Variants in TRPC4 observed in about 807,000 individuals in gnomAD.
TRPC4 encodes the protein transient receptor potential cation channel subfamily C member 4, also known as short transient receptor potential channel 4.
Under a neutral mutation model 99.4 loss-of-function variants are expected in TRPC4, and 49 were observed. That is an observed-to-expected ratio of 0.49 (90% CI 0.39 to 0.63). The LOEUF (loss-of-function observed/expected upper bound fraction) is 0.63, where lower values mean the gene tolerates loss of function less well. Among genes scored for constraint, TRPC4 ranks in the 20% least tolerant of loss-of-function variants. TRPC4 has a pLI of 0.00. For missense variants in TRPC4, 898 were observed against 1,152.9 expected, an observed-to-expected ratio of 0.78 and a Z score of 3.20; for synonymous variants, 454 against 425.9, an observed-to-expected ratio of 1.07 and a Z score of -0.81.
At chr13:37,806,319 A>G (rs2139452573) in intron 1 of TRPC4, among the ~76,000 whole-genome samples, 1 of 152,208 alleles carries the variant, frequency 6.6e-6, no homozygotes, top group South Asian at 2.1e-4. Context: ...TGTCAATAGA[A>G]TTATTTTACA....
At chr13:37,688,729 G>A (rs1322603112) in intron 4 of TRPC4, among the ~76,000 whole-genome samples, 2 of 152,132 alleles carry the variant, frequency 1.3e-5, no homozygotes, top group East Asian at 3.9e-4. Flanking sequence ...GCAGCTCACA[G>A]AGGTGATCTG....
intron 1 of TRPC4, among the ~76,000 whole-genome samples, chr13:37,837,810 G>C (rs1257849916): frequency 6.6e-6 from 1 of 152,128 alleles, no homozygotes; most frequent in Non-Finnish European, 1.5e-5. Context: ...GACGAGCCAG[G>C]GGTGGCATGA....
intron 4 of TRPC4, among the ~76,000 whole-genome samples, chr13:37,686,451 A>T (rs1437216473): frequency 6.6e-6 from 1 of 151,838 alleles, no homozygotes; most frequent in Non-Finnish European, 1.5e-5. Flanking sequence ...ATACACACAC[A>T]TATATATACA....
rs118043934 is a variant in TRPC4, at chr13:37,694,709, C to T, written c.898-2374G>A. On this transcript the variant is annotated intron_variant, in intron 3 of 10. Coordinates refer to ENST00000379705, the MANE Select transcript of TRPC4 (RefSeq NM_016179.4). The stretch of plus-strand genomic sequence containing the variant: ...CTGTGCTTAGTAAATGAACAGTATA[C>T]GTAATTTTACGTTAAACACAGACAC... 7.1e-3 allele frequency among the ~76,000 whole-genome samples: 1,082 copies of T among 152,002 alleles called. 9 individuals are homozygous for T. Among genetic ancestry groups the T allele is most frequent in the Non-Finnish European group, 0.013 (856 of 67,984 alleles).
intron 3 of TRPC4, among the ~76,000 whole-genome samples, chr13:37,708,376 G>C (rs1954362845): frequency 6.6e-6 from 1 of 151,978 alleles, no homozygotes; most frequent in Admixed American, 6.6e-5. Flanking sequence ...ACTTTACAAT[G>C]CAATTTTTGG....
At chr13:37,712,832 A>T (rs1954529254) in intron 3 of TRPC4, among the ~76,000 whole-genome samples, 1 of 152,140 alleles carries the variant, frequency 6.6e-6, no homozygotes, top group African/African-American at 2.4e-5. Flanking sequence ...TGTGCCTGAG[A>T]TCTTAACACT....
At chr13:37,863,072 C>G (rs186491159) in intron 1 of TRPC4, among the ~76,000 whole-genome samples, 45 of 151,590 alleles carry the variant, frequency 3.0e-4, no homozygotes, top group African/African-American at 1.1e-3. Context: ...ATAGGCTATT[C>G]CATATAGCCT....
At chr13:37,726,192 T>TC (rs796476650) in intron 3 of TRPC4, among the ~76,000 whole-genome samples, 1 of 150,184 alleles carries the variant, frequency 6.7e-6, no homozygotes. Context: ...TGAGACACCG[T>TC]CCCCCCCCAA....
At chr13:37,858,577 T>C (rs1959193457) in intron 1 of TRPC4, among the ~76,000 whole-genome samples, 1 of 151,624 alleles carries the variant, frequency 6.6e-6, no homozygotes, top group Non-Finnish European at 1.5e-5. Flanking sequence ...ATATAAACAA[T>C]GAAGTACTAT....
chr13:37,681,874 A>T (rs1396630045), intron 4 of TRPC4, among the ~76,000 whole-genome samples: 1 of 152,254 alleles, frequency 6.6e-6, no homozygotes, highest in Non-Finnish European at 1.5e-5. Context: ...AACAAAGGAA[A>T]GATCACAGTG....
At chr13:37,869,195 G>A (rs1217346976) in intron 1 of TRPC4, among the ~76,000 whole-genome samples, 2 of 151,884 alleles carry the variant, frequency 1.3e-5, no homozygotes, top group African/African-American at 4.8e-5. Context: ...AGATGCCCCC[G>A]AGATCTCCAT....
At chr13:37,863,129 A>C (rs1161566888) in intron 1 of TRPC4, among the ~76,000 whole-genome samples, 2 of 151,612 alleles carry the variant, frequency 1.3e-5, no homozygotes, top group Middle Eastern at 6.8e-3. Flanking sequence ...AGTACACTCC[A>C]TGATGTTCGT....
chr13:37,764,655 T>C (rs1341504440), intron 2 of TRPC4, among the ~76,000 whole-genome samples: 2 of 151,402 alleles, frequency 1.3e-5, no homozygotes, highest in Non-Finnish European at 1.5e-5. Flanking sequence ...GTTTTTAATA[T>C]TTCACTTTTC....
intron 3 of TRPC4, among the ~76,000 whole-genome samples, chr13:37,715,745 T>C (rs1954639716): frequency 6.6e-6 from 1 of 152,192 alleles, no homozygotes; most frequent in African/African-American, 2.4e-5. Flanking sequence ...GATCATAACA[T>C]CATAGGCTGT....
At chr13:37,770,909 A>T (rs1372423318) in intron 2 of TRPC4, among the ~76,000 whole-genome samples, 1 of 151,612 alleles carries the variant, frequency 6.6e-6, no homozygotes, top group Non-Finnish European at 1.5e-5. Flanking sequence ...TTTTTAATAC[A>T]ATTTTACCAT....
intron 4 of TRPC4, among the ~76,000 whole-genome samples, chr13:37,681,061 G>A (rs1263287784): frequency 6.6e-6 from 1 of 152,166 alleles, no homozygotes; most frequent in Non-Finnish European, 1.5e-5. Context: ...AAGGAAGAAA[G>A]GCTTTGGGAA....
At chr13:37,713,251 A>G (rs983486007) in intron 3 of TRPC4, among the ~76,000 whole-genome samples, 2 of 152,118 alleles carry the variant, frequency 1.3e-5, no homozygotes, top group East Asian at 1.9e-4. Flanking sequence ...AGATTATATA[A>G]CTACAATTCC....
At chr13:37,805,698 T>A (rs900869380) in intron 1 of TRPC4, among the ~76,000 whole-genome samples, 4 of 151,996 alleles carry the variant, frequency 2.6e-5, no homozygotes, top group African/African-American at 9.7e-5. Flanking sequence ...CACCCATAAT[T>A]ATAAAACCTA....
intron 1 of TRPC4, among the ~76,000 whole-genome samples, chr13:37,863,283 C>A (rs902421720): frequency 2.6e-5 from 4 of 151,458 alleles, no homozygotes; most frequent in African/African-American, 9.7e-5. Flanking sequence ...GCAAATCTAA[C>A]CATTTTATAG....
Sources: allele counts gnomAD v4.1 joint callset (sites outside exome capture counted in the v4.1 genomes callset), GRCh38; gene constraint gnomAD v4.1.1; transcripts MANE v1.5; gene names NCBI Gene and HGNC (gene_info 2026-07-23, HGNC 2026-07-21).